Variants in PRSS55 observed in about 807,000 individuals in gnomAD.
The protein encoded by PRSS55 is probable serine protease UNQ9391/PRO34284.
In PRSS55, 41 loss-of-function variants were observed where a neutral mutation model predicts 23.6. The ratio of observed to expected loss-of-function variants is 1.74; its 90% CI spans 1.35 to 2.26. PRSS55 has a LOEUF of 2.26. Ranked by LOEUF, PRSS55 falls within the 30% of genes most tolerant of loss-of-function variation. PRSS55 has a pLI of 0.00. For missense variants in PRSS55, 669 were observed against 439.1 expected (o/e 1.52, Z -4.68); for synonymous variants, 262 against 175.5 (o/e 1.49, Z -3.90).
Position 10,533,010 on chromosome 8 carries a change from T to C in PRSS55, c.703T>C (p.Cys235Arg), listed in dbSNP as rs770586297. The change falls in exon 4 of 5, where the codon TGT becomes CGT. Residue 235 changes from cysteine to arginine, a missense_variant. Coordinates refer to ENST00000328655, the MANE Select transcript of PRSS55 (RefSeq NM_198464.4). The stretch of plus-strand genomic sequence containing the variant: ...TCCAAAACTTACCAAAAATATGCTG[T>C]GTGCCGGATACAAGAATGAGAGCTA... ...MFPKLTKNML[C>R]AGYKNESYDA... The C allele has an allele frequency of 3.7e-6, 6 of 1,614,078 alleles. No homozygotes were observed. In the Admixed American group the frequency reaches 1.0e-4, roughly 27 times the overall value.
At chr8:10,547,190 C>G (rs1196847529) in intron 4 of PRSS55, among the ~76,000 whole-genome samples, 1 of 152,214 alleles carries the variant, frequency 6.6e-6, no homozygotes, top group East Asian at 1.9e-4. Flanking sequence ...TCGACAACCT[C>G]TCTTGCAACA....
chr8:10,529,369 G>A lies in PRSS55; in HGVS notation c.155-138G>A, dbSNP rs535514433. ...GTCACAAGGGCTGCCCCGCTCGGCA[G>A]CCTCAGTGAGCTCCTCTCTAGAATG... On this transcript the variant is annotated intron_variant, in intron 1 of 4. Transcript: ENST00000328655. 3.3e-4 allele frequency: 285 copies of A among 856,568 alleles called. No individual in the cohort carries two copies. The South Asian group carries it at 3.9e-3, about 12-fold the overall frequency. The allele number at this position is 856,568 out of a possible 1,614,324, so 53.1% of individuals were successfully genotyped here. A position where few individuals can be genotyped will look rare whatever the true frequency, so the allele number is the denominator to read the frequency against.
At chr8:10,539,544 C>T (rs1212691276), downstream of PRSS55, among the ~76,000 whole-genome samples, 1 of 152,198 alleles carries the variant, frequency 6.6e-6, no homozygotes, top group African/African-American at 2.4e-5. Context: ...ACTCAAATCT[C>T]ATCTTGAATT....
At chr8:10,542,419 G>GGAA (rs60800512), downstream of PRSS55, among the ~76,000 whole-genome samples, 432 of 133,492 alleles carry the variant, frequency 3.2e-3, 4 homozygotes, top group African/African-American at 0.011. Context: ...CCATGCGGGG[G>GGAA]AAAAAAAAAA....
At position 10,525,628 on chromosome 8, in the gene PRSS55, G is replaced by C. The variant is rs35102108; in HGVS notation, c.43G>C (p.Gly15Arg). The C allele has an allele frequency of 1.2e-6, 2 of 1,614,006 alleles. No individual in the cohort carries two copies. The highest frequency in any genetic ancestry group is 1.7e-6 in the Non-Finnish European group (2 of 1,179,964). ...GTTGCTGCTCCTGTCCCTGGTCACG[G>C]GAACTCAGCTCGGTCCACGGACTCC... ...SVLLLLSLVT[G>R]TQLGPRTPLP... Residue 15 changes from glycine to arginine, a missense_variant, in exon 1 of 5, where the codon GGA becomes CGA. Gly to Arg is a moderately radical substitution (Grantham distance 125). Transcript: ENST00000328655.
At chr8:10,527,427 G>A (rs1032245797) in intron 1 of PRSS55, among the ~76,000 whole-genome samples, 10 of 152,248 alleles carry the variant, frequency 6.6e-5, no homozygotes, top group African/African-American at 2.4e-4. Flanking sequence ...TCTGGTACCA[G>A]AGTCAGGCAA....
downstream of PRSS55, chr8:10,538,945 C>A: frequency 1.5e-6 from 1 of 688,968 alleles, no homozygotes; most frequent in Non-Finnish European, 2.3e-6. Context: ...GGTTTGGGGA[C>A]TGCACTTTGG....
chr8:10,549,344 G>A (rs184685645), intron 4 of PRSS55, among the ~76,000 whole-genome samples: 2 of 152,354 alleles, frequency 1.3e-5, no homozygotes, highest in East Asian at 3.9e-4. Flanking sequence ...GGGGACAGCT[G>A]CAGAGCCAGT....
chr8:10,530,103 C>CT lies in PRSS55; in HGVS notation c.347+405dup, dbSNP rs1585868555. 2.6e-5 allele frequency among the ~76,000 whole-genome samples: 4 copies of CT among 152,356 alleles called. No homozygotes were observed. The East Asian group carries it at 7.7e-4, about 29-fold the overall frequency. The stretch of plus-strand genomic sequence containing the variant: ...TCTCCTGCTCCTTGTAGAGCGTTCT[C>CT]TGTGTGACAGCATGTGGATGGATGC... On this transcript the variant is annotated intron_variant, in intron 2 of 4. Coordinates refer to ENST00000328655, the MANE Select transcript of PRSS55 (RefSeq NM_198464.4).
chr8:10,553,252 C>T lies in PRSS55; in HGVS notation c.742-691C>T, dbSNP rs560078275. Among the ~76,000 whole-genome samples the T allele has an allele frequency of 3.3e-5, 5 of 152,350 alleles. No individual in the cohort carries two copies. The South Asian group carries it at 6.2e-4, about 19-fold the overall frequency. On this transcript the variant is annotated intron_variant, in intron 4 of 4. Transcript: ENST00000522210. Reference sequence around the variant, plus strand: ...CATGCCTTTGCTTCACTCTCATCTTCTGCCATGATCGTAAGTTTCCTGAGG... The same window carrying T: ...CATGCCTTTGCTTCACTCTCATCTTTTGCCATGATCGTAAGTTTCCTGAGG...
At chr8:10,549,759 A>G (rs2117084844) in intron 4 of PRSS55, among the ~76,000 whole-genome samples, 1 of 151,756 alleles carries the variant, frequency 6.6e-6, no homozygotes, top group Non-Finnish European at 1.5e-5. Flanking sequence ...GGACCATGAA[A>G]CAGCACAGGC....
intron 4 of PRSS55, among the ~76,000 whole-genome samples, chr8:10,535,101 T>A (rs568573613): frequency 6.6e-6 from 1 of 152,346 alleles, no homozygotes; most frequent in East Asian, 1.9e-4. Context: ...TCCATGCTCA[T>A]GGATAGGAAG....
At chr8:10,535,913 G>A (rs1812437561) in intron 4 of PRSS55, among the ~76,000 whole-genome samples, 1 of 152,198 alleles carries the variant, frequency 6.6e-6, no homozygotes, top group Non-Finnish European at 1.5e-5. Context: ...GGGGCCGGGA[G>A]CGGTGGTTCA....
chr8:10,533,068 C>T lies in PRSS55; in HGVS notation c.741+20C>T, dbSNP rs1026062193. On this transcript the variant is annotated intron_variant, in intron 4 of 4. Coordinates refer to ENST00000328655, the MANE Select transcript of PRSS55 (RefSeq NM_198464.4). ...TGCAAGGTAACTAGGGGGTACCCTC[C>T]CTCACCTTATAGGTCCTCACCCTCT... 1.2e-6 allele frequency: 2 copies of T among 1,613,584 alleles called. No individual in the cohort carries two copies. The highest frequency in any genetic ancestry group is 1.3e-5 in the African/African-American group (1 of 74,920).
Position 10,531,318 on chromosome 8 carries a change from TGG to T in PRSS55, c.374_375del (p.Gly125AspfsTer6), listed in dbSNP as rs1158032315. ...AGTCCAGAAGAACTGAGTGTCGTGCTGGGGACCAACGACTTAACTAGCCCATC... is the reference window on the plus strand; with the variant it reads ...AGTCCAGAAGAACTGAGTGTCGTGCTGGACCAACGACTTAACTAGCCCATC... On this transcript the variant is annotated frameshift_variant, in exon 3 of 5. Coordinates refer to ENST00000328655, the MANE Select transcript of PRSS55 (RefSeq NM_198464.4). LOFTEE classifies it high-confidence loss of function. The T allele has an allele frequency of 6.2e-7, 1 of 1,614,134 alleles. No homozygotes were observed. The highest frequency in any genetic ancestry group is 1.7e-5 in the Admixed American group (1 of 60,028).
intron 4 of PRSS55, among the ~76,000 whole-genome samples, chr8:10,549,440 T>C (rs1812902489): frequency 1.3e-5 from 2 of 152,168 alleles, no homozygotes; most frequent in African/African-American, 4.8e-5. Flanking sequence ...GGGTGGATGA[T>C]GGCATCGGCA....
At chr8:10,535,165 C>G (rs954514087) in intron 4 of PRSS55, among the ~76,000 whole-genome samples, 1 of 152,168 alleles carries the variant, frequency 6.6e-6, no homozygotes, top group Admixed American at 6.6e-5. Flanking sequence ...AGATTCAATA[C>G]TATCCCTATC....
At chr8:10,544,589 T>C (rs1412891289) in intron 4 of PRSS55, among the ~76,000 whole-genome samples, 1 of 152,220 alleles carries the variant, frequency 6.6e-6, no homozygotes, top group East Asian at 1.9e-4. Flanking sequence ...TTTGTCCCTC[T>C]GACCTTCCTT....
chr8:10,527,351 G>C (rs775506975), intron 1 of PRSS55, among the ~76,000 whole-genome samples: 10 of 152,214 alleles, frequency 6.6e-5, no homozygotes. Context: ...CAGACACCCG[G>C]AGTGGAGTCA....
Sources: gnomAD v4.1 joint callset for allele counts (sites outside exome capture counted in the v4.1 genomes callset) on GRCh38, gnomAD v4.1.1 for gene constraint, MANE v1.5 for transcripts, NCBI Gene and HGNC (gene_info 2026-07-23, HGNC 2026-07-21) for gene names.